The following CTNNA3 variants were observed in gnomAD, a reference collection of about 807,000 sequenced individuals.
CTNNA3 encodes catenin alpha 3, also known as catenin alpha-3.
In CTNNA3, 76 loss-of-function variants were observed where a neutral mutation model predicts 95.7. The ratio of observed to expected loss-of-function variants is 0.79; its 90% CI spans 0.66 to 0.96. The LOEUF is 0.96. CTNNA3 is among the 40% of genes least tolerant of loss of function. The probability of loss-of-function intolerance (pLI) is 0.00; values close to 1 mark genes in which losing one functional copy is unlikely to be tolerated. For missense variants in CTNNA3, 1,191 were observed against 1,089.8 expected, an observed-to-expected ratio of 1.09 and a Z score of -1.31; for synonymous variants, 431 against 374.4, an observed-to-expected ratio of 1.15 and a Z score of -1.74.
intron 11 of CTNNA3, among the ~76,000 whole-genome samples, chr10:66,501,698 T>C (rs1245106345): frequency 6.6e-6 from 1 of 152,172 alleles, no homozygotes; most frequent in East Asian, 1.9e-4. Flanking sequence ...TGAGAAACTT[T>C]TCAGCTTTAG....
intron 7 of CTNNA3, among the ~76,000 whole-genome samples, chr10:67,029,801 T>G (rs1853610032): frequency 1.3e-5 from 2 of 152,226 alleles, no homozygotes; most frequent in South Asian, 4.1e-4. Flanking sequence ...TAACCTCATG[T>G]ACCTATTTAA....
rs1454541628 is a variant in CTNNA3, at chr10:66,225,367, C to G, written c.1884+55103G>C. Among the ~76,000 whole-genome samples, 3 of 140,190 alleles carry G rather than the reference C, an allele frequency of 2.1e-5. 1 individual carries two copies. Among genetic ancestry groups the G allele is most frequent in the Non-Finnish European group, 3.0e-5 (2 of 66,004 alleles). The allele number at this position is 140,190 out of a possible 152,430, so 92.0% of individuals were successfully genotyped here. A position where few individuals can be genotyped will look rare whatever the true frequency, so the allele number is the denominator to read the frequency against. On this transcript the variant is annotated intron_variant, in intron 13 of 17. Coordinates refer to ENST00000433211, the MANE Select transcript of CTNNA3 (RefSeq NM_013266.4). Reference sequence around the variant, plus strand: ...GACTCACCCATGTTTCCAAGAATGACAGGATTTCATTCATTTTATTCAAAT... The same window carrying G: ...GACTCACCCATGTTTCCAAGAATGAGAGGATTTCATTCATTTTATTCAAAT...
chr10:66,906,503 C>T (rs988364187), intron 7 of CTNNA3, among the ~76,000 whole-genome samples: 1 of 152,120 alleles, frequency 6.6e-6, no homozygotes, highest in African/African-American at 2.4e-5. Flanking sequence ...AAAGTATCTT[C>T]AAAGGTCCAC....
chr10:66,002,857 A>C (rs1469601409), intron 15 of CTNNA3, among the ~76,000 whole-genome samples: 1 of 152,234 alleles, frequency 6.6e-6, no homozygotes, highest in Non-Finnish European at 1.5e-5. Context: ...AATGTATTCT[A>C]TTCCGTTCGG....
At chr10:67,244,944 C>T (rs1171190318) in intron 5 of CTNNA3, among the ~76,000 whole-genome samples, 1 of 152,114 alleles carries the variant, frequency 6.6e-6, no homozygotes, top group Non-Finnish European at 1.5e-5. Context: ...CATCTTTAAG[C>T]TTCTCCCCTT....
At chr10:67,234,166 G>T (rs1325000543) in intron 5 of CTNNA3, among the ~76,000 whole-genome samples, 2 of 152,154 alleles carry the variant, frequency 1.3e-5, no homozygotes. Context: ...CATTTTATGA[G>T]GCCAGCATCA....
chr10:65,973,480 G>A (rs566950855), intron 16 of CTNNA3, among the ~76,000 whole-genome samples: 15 of 152,192 alleles, frequency 9.9e-5, no homozygotes, highest in African/African-American at 3.6e-4. Context: ...GATCTATAAG[G>A]AACTTAAACA....
At chr10:67,321,512 C>T (rs141363763) in intron 5 of CTNNA3, among the ~76,000 whole-genome samples, 13 of 152,198 alleles carry the variant, frequency 8.5e-5, no homozygotes, top group African/African-American at 1.9e-4. Context: ...GGCAGATCAG[C>T]GGCACCCAGA....
intron 5 of CTNNA3, among the ~76,000 whole-genome samples, chr10:67,489,805 T>TATATATATATATATATATATATACAC (rs927605119): frequency 1.3e-5 from 2 of 148,952 alleles, no homozygotes; most frequent in African/African-American, 5.0e-5. Context: ...TATATATATA[T>TATATATATATATATATATATATACAC]ACACACATTA....
intron 17 of CTNNA3, among the ~76,000 whole-genome samples, chr10:65,927,275 T>C (rs1474373508): frequency 6.6e-6 from 1 of 152,196 alleles, no homozygotes; most frequent in South Asian, 2.1e-4. Context: ...AAAATACTAT[T>C]GTGATTAAAG....
At chr10:66,289,015 C>T (rs1179915824) in intron 12 of CTNNA3, among the ~76,000 whole-genome samples, 2 of 152,008 alleles carry the variant, frequency 1.3e-5, no homozygotes, top group African/African-American at 4.8e-5. Context: ...TAGATTATCT[C>T]TTTGCCATAT....
At chr10:66,978,469 G>A (rs1283697723) in intron 7 of CTNNA3, among the ~76,000 whole-genome samples, 12 of 135,700 alleles carry the variant, frequency 8.8e-5, no homozygotes, top group Non-Finnish European at 1.7e-4. Flanking sequence ...GGAGGTTGCA[G>A]TGAGTCTAGA....
chr10:66,436,573 C>A (rs1284810571), intron 11 of CTNNA3, among the ~76,000 whole-genome samples: 5 of 120,058 alleles, frequency 4.2e-5, no homozygotes, highest in Non-Finnish European at 8.4e-5. Context: ...CTATTTTTAG[C>A]CTTTGTTTGT....
intron 12 of CTNNA3, among the ~76,000 whole-genome samples, chr10:66,293,824 C>T (rs1226984943): frequency 6.6e-6 from 1 of 151,952 alleles, no homozygotes; most frequent in African/African-American, 2.4e-5. Context: ...TGCCACCACG[C>T]CCGGCTAATT....
rs372647924 is a variant in CTNNA3 at position 66,334,684 on chromosome 10, CT to C, written c.1732+44467del. Among the ~76,000 whole-genome samples, 69 of 152,070 alleles carry C rather than the reference CT, an allele frequency of 4.5e-4. 1 individual carries two copies. In the South Asian group the frequency reaches 0.014, roughly 31 times the overall value. On this transcript the variant is annotated intron_variant, in intron 12 of 17. Coordinates refer to ENST00000433211, the MANE Select transcript of CTNNA3 (RefSeq NM_013266.4). Reference sequence around the variant, plus strand: ...CTTAACATTTTTTCCTTCATTTCAACTTTGGTGAATCTGACAATTATGTGTC... The same window carrying C: ...CTTAACATTTTTTCCTTCATTTCAACTTGGTGAATCTGACAATTATGTGTC...
intron 15 of CTNNA3, among the ~76,000 whole-genome samples, chr10:65,996,933 C>T (rs2078675263): frequency 6.6e-6 from 1 of 152,136 alleles, no homozygotes; most frequent in African/African-American, 2.4e-5. Context: ...GTGGAGGAGG[C>T]AATTGCTGAA....
intron 7 of CTNNA3, among the ~76,000 whole-genome samples, chr10:66,893,542 CA>C (rs147367482): frequency 0.099 from 12,963 of 131,208 alleles, 632 homozygotes; most frequent in African/African-American, 0.16. Context: ...AACAGAATTT[CA>C]AAAAAAAAAA....
At chr10:67,508,418 T>C (rs943654315) in intron 5 of CTNNA3, among the ~76,000 whole-genome samples, 1 of 152,150 alleles carries the variant, frequency 6.6e-6, no homozygotes, top group African/African-American at 2.4e-5. Context: ...GAAAAAATAG[T>C]CTCTTCAATA....
At chr10:65,947,676 C>A (rs540175379) in intron 17 of CTNNA3, among the ~76,000 whole-genome samples, 2 of 152,344 alleles carry the variant, frequency 1.3e-5, no homozygotes, top group African/African-American at 4.8e-5. Context: ...CTGTATTAAA[C>A]TTAAACGCAA....
Sources: gnomAD v4.1 joint callset for allele counts (sites outside exome capture counted in the v4.1 genomes callset) on GRCh38, gnomAD v4.1.1 for gene constraint, MANE v1.5 for transcripts, NCBI Gene and HGNC (gene_info 2026-07-23, HGNC 2026-07-21) for gene names.